The following PCSK5 variants were observed in gnomAD, a reference collection of about 807,000 sequenced individuals.
The protein encoded by PCSK5 is proprotein convertase subtilisin/kexin type 5.
A neutral mutation model predicts 233.2 loss-of-function variants in PCSK5; 129 were observed. That is an observed-to-expected ratio of 0.55 (90% confidence interval 0.48 to 0.64). The LOEUF is 0.64. PCSK5 is among the 30% of genes least tolerant of loss of function. PCSK5 has a pLI of 0.00. For missense variants in PCSK5, 2,076 were observed against 2,430.1 expected, an observed-to-expected ratio of 0.85 and a Z score of 3.06; for synonymous variants, 825 against 879.2, an observed-to-expected ratio of 0.94 and a Z score of 1.09.
intron 7 of PCSK5, among the ~76,000 whole-genome samples, chr9:76,094,063 T>C (rs1273362712): frequency 9.9e-5 from 15 of 152,210 alleles, no homozygotes; most frequent in Non-Finnish European, 2.9e-5. Context: ...ACTGAAAGTT[T>C]ATCCCCCTCT....
At chr9:76,267,706 A>G (rs1286063743) in intron 24 of PCSK5, among the ~76,000 whole-genome samples, 1 of 152,178 alleles carries the variant, frequency 6.6e-6, no homozygotes, top group Non-Finnish European at 1.5e-5. Context: ...TTTTATTATT[A>G]TAATGGCTTT....
intron 24 of PCSK5, among the ~76,000 whole-genome samples, chr9:76,268,460 TA>T (rs1827408062): frequency 6.6e-6 from 1 of 152,256 alleles, no homozygotes; most frequent in Non-Finnish European, 1.5e-5. Flanking sequence ...TTCTCAGTCA[TA>T]ATCAGTCTAA....
intron 1 of PCSK5, among the ~76,000 whole-genome samples, chr9:75,896,235 G>A (rs181808627): frequency 2.0e-5 from 3 of 152,294 alleles, no homozygotes; most frequent in East Asian, 1.9e-4. Flanking sequence ...TGGTGATGGC[G>A]TGTCTGCTGC....
Position 76,040,325 on chromosome 9 carries a change from G to GTCTCTCTCTC in PCSK5, c.632+13338_632+13347dup, listed in dbSNP as rs757550088. Among the ~76,000 whole-genome samples the GTCTCTCTCTC allele has an allele frequency of 6.3e-4, 50 of 79,016 alleles. 1 individual carries two copies. Among genetic ancestry groups the GTCTCTCTCTC allele is most frequent in the South Asian group, 2.0e-3 (4 of 2,046 alleles). 51.8% of individuals were successfully genotyped at this position (79,016 alleles called of 152,430 possible). On this transcript the variant is annotated intron_variant, in intron 5 of 37. Transcript: ENST00000674117. ...TCTCACTCCCTTAGATGTGTTCTCT[G>GTCTCTCTCTC]TCTCTCTCTCTCTCTCTCTCTCTCT...
intron 1 of PCSK5, among the ~76,000 whole-genome samples, chr9:75,914,970 A>G (rs1350952241): frequency 4.6e-5 from 7 of 152,170 alleles, no homozygotes; most frequent in African/African-American, 1.4e-4. Context: ...TGATACGGTA[A>G]AAGGTGTGAG....
chr9:76,168,692 A>C (rs1378970794), intron 12 of PCSK5, among the ~76,000 whole-genome samples: 3 of 152,182 alleles, frequency 2.0e-5, no homozygotes, highest in African/African-American at 7.2e-5. Context: ...GAACTGGATA[A>C]GATTAGTGGG....
At chr9:76,236,324 C>T (rs1826252513) in intron 22 of PCSK5, among the ~76,000 whole-genome samples, 1 of 152,134 alleles carries the variant, frequency 6.6e-6, no homozygotes, top group Non-Finnish European at 1.5e-5. Context: ...CACTTTCTCA[C>T]CTAACAGAAT....
intron 37 of PCSK5, among the ~76,000 whole-genome samples, chr9:76,354,518 G>A (rs1830248420): frequency 1.3e-5 from 2 of 152,192 alleles, no homozygotes; most frequent in South Asian, 2.1e-4. Flanking sequence ...GCTCACGCCT[G>A]TAAATAATCC....
Position 75,927,527 on chromosome 9 carries a change from G to A in PCSK5, c.193-4852G>A, listed in dbSNP as rs531434702. 2.0e-5 allele frequency among the ~76,000 whole-genome samples: 3 copies of A among 152,264 alleles called. 1 individual carries two copies. The highest frequency in any genetic ancestry group is 2.0e-4 in the Admixed American group (3 of 15,288). On this transcript the variant is annotated intron_variant, in intron 1 of 37. Coordinates refer to ENST00000674117, the MANE Select transcript of PCSK5 (RefSeq NM_001372043.1). The stretch of plus-strand genomic sequence containing the variant: ...AGTCTTGGGTAAACTGTCTGTGGGG[G>A]TTGGCTGGTCACCTTGCATAACTAT...
chr9:76,198,734 G>A (rs1009739540), intron 20 of PCSK5, among the ~76,000 whole-genome samples: 1 of 152,174 alleles, frequency 6.6e-6, no homozygotes, highest in African/African-American at 2.4e-5. Context: ...CCACAAACTA[G>A]GTTCTGAGTG....
intron 9 of PCSK5, among the ~76,000 whole-genome samples, chr9:76,108,832 C>T (rs72734629): frequency 4.1e-4 from 63 of 152,286 alleles, no homozygotes; most frequent in African/African-American, 6.7e-4. Context: ...CTCTGTAAGA[C>T]GGAGAGCCTA....
At chr9:76,004,590 G>T (rs1289302013) in intron 3 of PCSK5, among the ~76,000 whole-genome samples, 1 of 152,106 alleles carries the variant, frequency 6.6e-6, no homozygotes, top group Non-Finnish European at 1.5e-5. Context: ...TGCTTGCGAG[G>T]TGTTGGTTTT....
chr9:76,254,720 G>A (rs1242730102), intron 24 of PCSK5, among the ~76,000 whole-genome samples: 2 of 152,182 alleles, frequency 1.3e-5, no homozygotes, highest in East Asian at 1.9e-4. Context: ...TATAAGACAC[G>A]TCTTGGGAAT....
intron 20 of PCSK5, among the ~76,000 whole-genome samples, chr9:76,201,710 T>C (rs1824922226): frequency 6.6e-6 from 1 of 152,178 alleles, no homozygotes; most frequent in Admixed American, 6.5e-5. Flanking sequence ...TAACAACCAA[T>C]GGGCCATATG....
intron 24 of PCSK5, among the ~76,000 whole-genome samples, chr9:76,270,236 G>A (rs1337863801): frequency 1.3e-5 from 2 of 152,118 alleles, no homozygotes; most frequent in African/African-American, 4.8e-5. Flanking sequence ...GAGCAGCAAG[G>A]GAGATAAGTG....
At chr9:76,123,289 T>G (rs1832719348) in intron 9 of PCSK5, among the ~76,000 whole-genome samples, 1 of 152,230 alleles carries the variant, frequency 6.6e-6, no homozygotes, top group Non-Finnish European at 1.5e-5. Flanking sequence ...TTATATTGTT[T>G]GCAATGAATC....
chr9:76,021,648 C>A (rs1270149755), intron 3 of PCSK5, among the ~76,000 whole-genome samples: 1 of 151,996 alleles, frequency 6.6e-6, no homozygotes, highest in Admixed American at 6.6e-5. Flanking sequence ...ATGGGTGCAC[C>A]CTTTCTTAGA....
chr9:76,327,354 A>G (rs539780187), intron 32 of PCSK5, among the ~76,000 whole-genome samples: 176 of 151,946 alleles, frequency 1.2e-3, no homozygotes, highest in Non-Finnish European at 2.0e-3. Context: ...CAATCCATCC[A>G]CCTTGGCCTC....
chr9:75,936,563 T>G (rs548574391), intron 2 of PCSK5, among the ~76,000 whole-genome samples: 1 of 152,346 alleles, frequency 6.6e-6, no homozygotes, highest in South Asian at 2.1e-4. Flanking sequence ...TCCTTACCTG[T>G]TCAGGTTTTA....
Sources: allele counts gnomAD v4.1 joint callset (sites outside exome capture counted in the v4.1 genomes callset), GRCh38; gene constraint gnomAD v4.1.1; transcripts MANE v1.5; gene names NCBI Gene and HGNC (gene_info 2026-07-23, HGNC 2026-07-21).